The following ANO3 variants were observed in gnomAD, a reference collection of about 807,000 sequenced individuals.
The protein encoded by ANO3 is anoctamin-3.
ANO3 carries 99 observed loss-of-function variants against 144.8 expected under a neutral mutation model. That is an observed-to-expected ratio of 0.68 (90% CI 0.58 to 0.81). The LOEUF is 0.81. Ranked by LOEUF, ANO3 falls within the 30% of genes least tolerant of loss-of-function variation. The pLI, the probability that ANO3 is intolerant of heterozygous loss-of-function variation, is 0.00. For synonymous variants in ANO3, 414 were observed against 392.6 expected (o/e 1.05, Z -0.64); for missense variants, 905 against 1,202.2 (o/e 0.75, Z 3.66).
intron 12 of ANO3, among the ~76,000 whole-genome samples, chr11:26,550,110 C>T (rs1425576479): frequency 6.6e-6 from 1 of 151,394 alleles, no homozygotes; most frequent in Non-Finnish European, 1.5e-5. Flanking sequence ...AGTAAGTGGT[C>T]AGCTAAGTTT....
rs1351421740 is a variant in ANO3 at position 26,424,256 on chromosome 11, CA to C, written c.47-17661del. On this transcript the variant is annotated intron_variant, in intron 1 of 26. Coordinates refer to ENST00000256737, the MANE Select transcript of ANO3 (RefSeq NM_031418.4). ...TCTTTGACTAAAATCTCCCCCCCCA[CA>C]CACACACACATACACATAAACACAT... 1.3e-3 allele frequency among the ~76,000 whole-genome samples: 152 copies of C among 118,498 alleles called. 3 individuals carry two copies. The highest frequency in any genetic ancestry group is 6.9e-3 in the African/African-American group (147 of 21,342). 77.7% of individuals were successfully genotyped at this position (118,498 alleles called of 152,430 possible).
intron 1 of ANO3, among the ~76,000 whole-genome samples, chr11:26,394,059 T>C (rs754996546): frequency 2.6e-5 from 4 of 152,168 alleles, no homozygotes; most frequent in Non-Finnish European, 4.4e-5. Flanking sequence ...AATTTTAGGA[T>C]ACCAAAATCT....
intron 5 of ANO3, among the ~76,000 whole-genome samples, chr11:26,515,749 T>C (rs1375783092): frequency 6.6e-6 from 1 of 152,112 alleles, no homozygotes; most frequent in Non-Finnish European, 1.5e-5. Flanking sequence ...TGAACAGTGT[T>C]AATCAAATGG....
chr11:26,481,459 AT>A (rs1860214315), intron 4 of ANO3, among the ~76,000 whole-genome samples: 1 of 152,180 alleles, frequency 6.6e-6, no homozygotes, highest in African/African-American at 2.4e-5. Flanking sequence ...CACAGGTGGG[AT>A]TTTTGGGAGT....
At chr11:26,271,887 A>C (rs763020761) in intron 1 of ANO3, among the ~76,000 whole-genome samples, 1 of 152,152 alleles carries the variant, frequency 6.6e-6, no homozygotes, top group African/African-American at 2.4e-5. Flanking sequence ...TTAAATGTGA[A>C]CATGCTTCCA....
chr11:26,659,948 C>G (rs1227523288), intron 26 of ANO3, among the ~76,000 whole-genome samples: 1 of 151,982 alleles, frequency 6.6e-6, no homozygotes, highest in Non-Finnish European at 1.5e-5. Flanking sequence ...TGTAACAATT[C>G]ATGTCGTAAT....
chr11:26,589,107 G>T (rs1851368918), intron 14 of ANO3, among the ~76,000 whole-genome samples: 1 of 152,198 alleles, frequency 6.6e-6, no homozygotes, highest in South Asian at 2.1e-4. Flanking sequence ...GAATGTACCA[G>T]CCAGGCATTG....
At chr11:26,509,919 G>A (rs532975746) in intron 5 of ANO3, among the ~76,000 whole-genome samples, 5 of 151,832 alleles carry the variant, frequency 3.3e-5, no homozygotes, top group South Asian at 4.2e-4. Context: ...CAAGGAGGCC[G>A]GATCATGAGG....
At chr11:26,480,573 CAAGATGTGTGGATCGCTTGAGGTA>C (rs1342115343) in intron 4 of ANO3, among the ~76,000 whole-genome samples, 3 of 152,034 alleles carry the variant, frequency 2.0e-5, no homozygotes, top group African/African-American at 7.2e-5. Context: ...TTTGGGAGGC[CAAGATGTGTGGATCGCTTGAGGTA>C]AGGAGTTTGA....
chr11:26,384,179 C>A (rs1009720504), intron 1 of ANO3, among the ~76,000 whole-genome samples: 1 of 151,962 alleles, frequency 6.6e-6, no homozygotes, highest in Non-Finnish European at 1.5e-5. Flanking sequence ...GGATTACAGG[C>A]GTGAGCCACC....
intron 1 of ANO3, among the ~76,000 whole-genome samples, chr11:26,232,751 G>A (rs1265127100): frequency 6.6e-6 from 1 of 152,116 alleles, no homozygotes; most frequent in Non-Finnish European, 1.5e-5. Context: ...AACACCAAAA[G>A]CAATTGCAAC....
chr11:26,351,295 G>T (rs1338417013), intron 1 of ANO3, among the ~76,000 whole-genome samples: 1 of 151,864 alleles, frequency 6.6e-6, no homozygotes, highest in Non-Finnish European at 1.5e-5. Context: ...CCTAAATCAC[G>T]TTTTTAACTT....
chr11:26,526,254 A>G (rs1429072640), intron 7 of ANO3, among the ~76,000 whole-genome samples: 2 of 152,180 alleles, frequency 1.3e-5, no homozygotes, highest in East Asian at 1.9e-4. Flanking sequence ...TGTGGTAAGA[A>G]TAACTATGGA....
At chr11:26,394,252 G>A (rs561711217) in intron 1 of ANO3, among the ~76,000 whole-genome samples, 3 of 152,194 alleles carry the variant, frequency 2.0e-5, no homozygotes, top group African/African-American at 7.2e-5. Context: ...CACAGGAGAT[G>A]ATTTGAAAAA....
chr11:26,215,319 G>A (rs900888471), intron 1 of ANO3, among the ~76,000 whole-genome samples: 3 of 151,898 alleles, frequency 2.0e-5, no homozygotes, highest in Admixed American at 1.3e-4. Flanking sequence ...TGGCCACAAA[G>A]TATACTTATT....
At chr11:26,293,800 A>G (rs1590239927) in intron 1 of ANO3, among the ~76,000 whole-genome samples, 1 of 152,050 alleles carries the variant, frequency 6.6e-6, no homozygotes, top group South Asian at 2.1e-4. Flanking sequence ...TGCTTTGCAT[A>G]TGCTTTTCTC....
upstream of ANO3, among the ~76,000 whole-genome samples, chr11:26,307,616 G>A (rs1157843827): frequency 6.6e-6 from 1 of 150,862 alleles, no homozygotes; most frequent in Admixed American, 6.6e-5. Flanking sequence ...CTACTCAGGA[G>A]GCTGAGGCAG....
At chr11:26,194,444 G>GTGTGTGTCTGTA (rs1554920712) in intron 1 of ANO3, among the ~76,000 whole-genome samples, 1 of 92,252 alleles carries the variant, frequency 1.1e-5, no homozygotes, top group South Asian at 3.5e-4. Context: ...ATAGTGGTGT[G>GTGTGTGTCTGTA]TGTGTGTGTG....
At chr11:26,634,616 C>A (rs974430514) in intron 19 of ANO3, among the ~76,000 whole-genome samples, 3 of 152,108 alleles carry the variant, frequency 2.0e-5, no homozygotes, top group African/African-American at 7.2e-5. Flanking sequence ...ATGAAAAAAG[C>A]AGCATATTAA....
Sources: allele counts gnomAD v4.1 joint callset (sites outside exome capture counted in the v4.1 genomes callset), GRCh38; gene constraint gnomAD v4.1.1; transcripts MANE v1.5; gene names NCBI Gene and HGNC (gene_info 2026-07-23, HGNC 2026-07-21).